CHN2: variants seen among roughly 807,000 people sequenced by gnomAD.
CHN2 encodes the protein beta-chimaerin.
Under a neutral mutation model 56.3 loss-of-function variants are expected in CHN2, and 35 were observed. The ratio of observed to expected loss-of-function variants is 0.62; its 90% CI spans 0.47 to 0.82. The LOEUF (loss-of-function observed/expected upper bound fraction) is 0.82, where lower values mean the gene tolerates loss of function less well. CHN2 is among the 40% of genes least tolerant of loss of function. The pLI is 0.00. For missense variants in CHN2, 491 were observed against 580.5 expected, an observed-to-expected ratio of 0.85 and a Z score of 1.58; for synonymous variants, 210 against 212.8, an observed-to-expected ratio of 0.99 and a Z score of 0.12.
At chr7:29,407,053 C>G (rs573102013) in intron 6 of CHN2, among the ~76,000 whole-genome samples, 1 of 152,184 alleles carries the variant, frequency 6.6e-6, no homozygotes, top group Non-Finnish European at 1.5e-5. Flanking sequence ...TCAGCACGTG[C>G]TCCTTCCTTC....
At position 29,360,800 on chromosome 7, in the gene CHN2, G is replaced by C. The variant is rs1008853743; in HGVS notation, c.88+6137G>C. Among the ~76,000 whole-genome samples the C allele has an allele frequency of 6.6e-5, 10 of 152,234 alleles. No individual in the cohort carries two copies. In the East Asian group the frequency reaches 1.7e-3, roughly 26 times the overall value. On this transcript the variant is annotated intron_variant, in intron 2 of 12. Coordinates refer to ENST00000222792, the MANE Select transcript of CHN2 (RefSeq NM_004067.4). ...GCAGGATCTCTTAGGAGCTGATGGG[G>C]CTGGCCTGGGCTTCAAGGCCACCCA...
chr7:29,347,868 C>A (rs1447706965), intron 1 of CHN2, among the ~76,000 whole-genome samples: 3 of 152,124 alleles, frequency 2.0e-5, no homozygotes, highest in Non-Finnish European at 2.9e-5. Flanking sequence ...GATGCTAAAA[C>A]AATATCATGA....
chr7:29,150,265 A>G (rs1156556455), intron 2 of CHN2, among the ~76,000 whole-genome samples: 1 of 152,232 alleles, frequency 6.6e-6, no homozygotes, highest in Non-Finnish European at 1.5e-5. Flanking sequence ...TCATCTGTAC[A>G]TGATAAAAAT....
intron 1 of CHN2, among the ~76,000 whole-genome samples, chr7:29,227,190 C>G (rs557667745): frequency 1.3e-5 from 2 of 152,204 alleles, no homozygotes; most frequent in Non-Finnish European, 2.9e-5. Flanking sequence ...TGGTGCACCC[C>G]GCTGGCAGCA....
intron 1 of CHN2, among the ~76,000 whole-genome samples, chr7:29,307,516 G>A (rs973379236): frequency 9.9e-5 from 15 of 152,206 alleles, no homozygotes; most frequent in African/African-American, 2.9e-4. Flanking sequence ...GATTTCAGAT[G>A]AAGTAAGATT....
At chr7:29,211,637 G>A (rs1784967058) in intron 1 of CHN2, among the ~76,000 whole-genome samples, 1 of 152,124 alleles carries the variant, frequency 6.6e-6, no homozygotes, top group African/African-American at 2.4e-5. Context: ...GAGTGGTGAT[G>A]GGCACTTTGG....
At chr7:29,463,583 T>C (rs910629476) in intron 6 of CHN2, among the ~76,000 whole-genome samples, 28 of 152,222 alleles carry the variant, frequency 1.8e-4, no homozygotes, top group African/African-American at 6.8e-4. Context: ...GGTAAAGGAC[T>C]GTTTAAAGAG....
chr7:29,428,163 T>TG (rs1805070687), intron 6 of CHN2, among the ~76,000 whole-genome samples: 1 of 152,220 alleles, frequency 6.6e-6, no homozygotes. Flanking sequence ...ATCTCTAAAA[T>TG]GGGGACTATG....
intron 6 of CHN2, among the ~76,000 whole-genome samples, chr7:29,458,932 T>C (rs1784957919): frequency 6.6e-6 from 1 of 152,254 alleles, no homozygotes; most frequent in African/African-American, 2.4e-5. Context: ...AGCGGACAGA[T>C]GCAATGCCCA....
chr7:29,427,116 G>A (rs1296487296), intron 6 of CHN2, among the ~76,000 whole-genome samples: 2 of 152,096 alleles, frequency 1.3e-5, no homozygotes, highest in Non-Finnish European at 2.9e-5. Flanking sequence ...TCGGGAGTTC[G>A]AGACCAGCCT....
At chr7:29,497,413 C>T (rs1051801509) in intron 8 of CHN2, among the ~76,000 whole-genome samples, 3 of 151,922 alleles carry the variant, frequency 2.0e-5, no homozygotes, top group Non-Finnish European at 4.4e-5. Flanking sequence ...AAACTCTGGG[C>T]TTCATATTAG....
At chr7:29,281,767 C>T (rs1791736369) in intron 1 of CHN2, among the ~76,000 whole-genome samples, 2 of 152,212 alleles carry the variant, frequency 1.3e-5, no homozygotes, top group South Asian at 4.1e-4. Flanking sequence ...ACAGCCCCGT[C>T]AAGCCATTTT....
chr7:29,163,960 A>T (rs573363726), intron 2 of CHN2, among the ~76,000 whole-genome samples: 1 of 152,360 alleles, frequency 6.6e-6, no homozygotes, highest in South Asian at 2.1e-4. Flanking sequence ...GACTATTACA[A>T]ATAAAGCTGC....
chr7:29,190,706 GTTCT>G (rs1782780194), upstream of CHN2, among the ~76,000 whole-genome samples: 1 of 152,142 alleles, frequency 6.6e-6, no homozygotes, highest in Non-Finnish European at 1.5e-5. Flanking sequence ...TGACCGTCAA[GTTCT>G]TTCTTTTGCT....
rs375152883 is a variant in CHN2, at chr7:29,396,449, A to G, written c.177-1924A>G. 5.9e-3 allele frequency among the ~76,000 whole-genome samples: 656 copies of G among 112,122 alleles called. 7 individuals are homozygous for G. Among genetic ancestry groups the G allele is most frequent in the African/African-American group, 0.02 (594 of 29,072 alleles). The allele number at this position is 112,122 out of a possible 152,430, so 73.6% of individuals were successfully genotyped here. A position where few individuals can be genotyped will look rare whatever the true frequency, so the allele number is the denominator to read the frequency against. On this transcript the variant is annotated intron_variant, in intron 4 of 12. Transcript: ENST00000222792. ...GCACTCCAGCTTAGGCTACAGAGTGAGACTCTCTCCAAAAAAAAAAAAAAA... is the reference window on the plus strand; with the variant it reads ...GCACTCCAGCTTAGGCTACAGAGTGGGACTCTCTCCAAAAAAAAAAAAAAA...
intron 1 of CHN2, among the ~76,000 whole-genome samples, chr7:29,284,268 G>C (rs1193444229): frequency 6.6e-6 from 1 of 151,550 alleles, no homozygotes; most frequent in Admixed American, 6.6e-5. Flanking sequence ...GATAATTTTT[G>C]TTTTTTAGTA....
intron 1 of CHN2, among the ~76,000 whole-genome samples, chr7:29,318,814 A>G (rs1795137727): frequency 6.6e-6 from 1 of 152,228 alleles, no homozygotes; most frequent in South Asian, 2.1e-4. Flanking sequence ...AAGGAACATT[A>G]TAGTTTGGGC....
intron 1 of CHN2, among the ~76,000 whole-genome samples, chr7:29,277,168 G>A (rs186162729): frequency 3.3e-5 from 5 of 152,258 alleles, no homozygotes; most frequent in Admixed American, 2.0e-4. Flanking sequence ...GACCCTCCCC[G>A]CCACCCCAGA....
intron 6 of CHN2, among the ~76,000 whole-genome samples, chr7:29,439,392 A>G (rs559988183): frequency 1.1e-4 from 17 of 152,086 alleles, no homozygotes; most frequent in African/African-American, 4.1e-4. Flanking sequence ...CTGTTCCTTG[A>G]CTCTGCCATG....
Sources: allele counts gnomAD v4.1 joint callset (sites outside exome capture counted in the v4.1 genomes callset), GRCh38; gene constraint gnomAD v4.1.1; transcripts MANE v1.5; gene names NCBI Gene and HGNC (gene_info 2026-07-23, HGNC 2026-07-21).